The following CNTN4 variants were observed in gnomAD, a reference collection of about 807,000 sequenced individuals.
CNTN4 encodes the protein contactin 4, also known as contactin-4.
A neutral mutation model predicts 122.5 loss-of-function variants in CNTN4; 77 were observed. The observed-to-expected ratio is 0.63, with a 90% CI of 0.52 to 0.76. The LOEUF is 0.76. Ranked by LOEUF, CNTN4 falls within the 30% of genes least tolerant of loss-of-function variation. The pLI is 0.00. For missense variants in CNTN4, 1,256 were observed against 1,259.1 expected (o/e 1.00, Z 0.04); for synonymous variants, 512 against 447.0 (o/e 1.15, Z -1.83).
intron 13 of CNTN4, among the ~76,000 whole-genome samples, chr3:2,974,846 A>G (rs955292152): frequency 2.6e-5 from 4 of 152,210 alleles, no homozygotes; most frequent in African/African-American, 9.6e-5. Flanking sequence ...GTTAAAGCAA[A>G]TAAAGCATGA....
chr3:2,654,569 G>C (rs974811557), intron 4 of CNTN4, among the ~76,000 whole-genome samples: 1 of 152,150 alleles, frequency 6.6e-6, no homozygotes, highest in Non-Finnish European at 1.5e-5. Flanking sequence ...GAGTAAAAAT[G>C]GTGTTATTCT....
At chr3:2,257,645 A>G (rs566081886) in intron 2 of CNTN4, among the ~76,000 whole-genome samples, 1 of 152,380 alleles carries the variant, frequency 6.6e-6, no homozygotes, top group East Asian at 1.9e-4. Context: ...ACACTTCTCA[A>G]AAGAAGACAT....
intron 8 of CNTN4, among the ~76,000 whole-genome samples, chr3:2,879,459 G>T (rs931117446): frequency 1.3e-5 from 2 of 152,162 alleles, no homozygotes; most frequent in African/African-American, 4.8e-5. Context: ...TACAACCAGC[G>T]AATGGAGAAG....
intron 2 of CNTN4, among the ~76,000 whole-genome samples, chr3:2,171,946 C>G (rs530442584): frequency 2.0e-5 from 3 of 152,278 alleles, no homozygotes; most frequent in East Asian, 1.9e-4. Context: ...AACAGAAAGT[C>G]TCAGACTTCA....
At chr3:2,775,304 C>T (rs2091271286) in intron 6 of CNTN4, among the ~76,000 whole-genome samples, 1 of 152,120 alleles carries the variant, frequency 6.6e-6, no homozygotes, top group South Asian at 2.1e-4. Context: ...CCCGTGTTCT[C>T]CCACCATGGC....
intron 7 of CNTN4, among the ~76,000 whole-genome samples, chr3:2,854,872 C>G (rs1442892838): frequency 6.6e-6 from 1 of 152,080 alleles, no homozygotes; most frequent in Non-Finnish European, 1.5e-5. Flanking sequence ...ATTTTAGTTC[C>G]CATATTGAAT....
chr3:2,686,382 G>A (rs183204051), intron 4 of CNTN4, among the ~76,000 whole-genome samples: 5 of 152,016 alleles, frequency 3.3e-5, no homozygotes, highest in South Asian at 2.1e-4. Flanking sequence ...CAGTGACCAC[G>A]TCACCCACTC....
At chr3:2,163,712 G>T (rs996346744) in intron 2 of CNTN4, among the ~76,000 whole-genome samples, 1 of 151,540 alleles carries the variant, frequency 6.6e-6, no homozygotes, top group African/African-American at 2.4e-5. Flanking sequence ...CACAAATGGA[G>T]ATACACAAAC....
chr3:2,441,138 G>A (rs1170136855), intron 3 of CNTN4, among the ~76,000 whole-genome samples: 1 of 151,932 alleles, frequency 6.6e-6, no homozygotes, highest in Non-Finnish European at 1.5e-5. Flanking sequence ...ATGGTCATCA[G>A]TTCATTTATA....
At chr3:2,927,206 G>A in intron 13 of CNTN4, 1 of 411,642 alleles carries the variant, frequency 2.4e-6, no homozygotes, top group Admixed American at 2.6e-5. Flanking sequence ...AACACTGTAG[G>A]TCAATCAGGA....
At chr3:3,051,923 C>T (rs758816615) in intron 23 of CNTN4, among the ~76,000 whole-genome samples, 7 of 152,146 alleles carry the variant, frequency 4.6e-5, no homozygotes, top group Non-Finnish European at 7.4e-5. Context: ...TGCTTCTCAA[C>T]GCATGATCCC....
At chr3:2,296,403 A>C (rs2150035705) in intron 2 of CNTN4, among the ~76,000 whole-genome samples, 1 of 152,250 alleles carries the variant, frequency 6.6e-6, no homozygotes, top group South Asian at 2.1e-4. Flanking sequence ...ATCCCTTGTA[A>C]GTTGGATTCC....
chr3:2,150,543 C>T (rs1487871637), intron 2 of CNTN4, among the ~76,000 whole-genome samples: 2 of 152,158 alleles, frequency 1.3e-5, no homozygotes, highest in Admixed American at 1.3e-4. Context: ...TCTACAGATC[C>T]TCCCCTGGGG....
At chr3:2,609,342 G>A (rs1440571081) in intron 4 of CNTN4, among the ~76,000 whole-genome samples, 1 of 152,200 alleles carries the variant, frequency 6.6e-6, no homozygotes, top group African/African-American at 2.4e-5. Context: ...GGTATTCAAG[G>A]TGCCACCTTG....
At chr3:3,024,032 A>G (rs1326678151) in intron 14 of CNTN4, among the ~76,000 whole-genome samples, 1 of 152,208 alleles carries the variant, frequency 6.6e-6, no homozygotes, top group East Asian at 1.9e-4. Context: ...AAAGTGCTTA[A>G]CAGTGCTAAG....
chr3:3,007,084 C>T (rs1056144586), intron 14 of CNTN4, among the ~76,000 whole-genome samples: 4 of 152,186 alleles, frequency 2.6e-5, no homozygotes, highest in Non-Finnish European at 4.4e-5. Context: ...AAATTAGTCA[C>T]TCTCCTCCTA....
chr3:2,894,018 A>G (rs1468468655), intron 10 of CNTN4, among the ~76,000 whole-genome samples: 1 of 152,216 alleles, frequency 6.6e-6, no homozygotes, highest in Non-Finnish European at 1.5e-5. Flanking sequence ...AAATAACAAA[A>G]ATACAACCAG....
intron 3 of CNTN4, among the ~76,000 whole-genome samples, chr3:2,555,088 A>G (rs1368121378): frequency 1.3e-5 from 2 of 152,242 alleles, no homozygotes; most frequent in Admixed American, 6.5e-5. Context: ...TAATTTGAGT[A>G]TCTGTGATTC....
intron 3 of CNTN4, among the ~76,000 whole-genome samples, chr3:2,536,382 G>A (rs1028022096): frequency 1.3e-5 from 2 of 152,050 alleles, no homozygotes; most frequent in African/African-American, 4.8e-5. Context: ...GTGACTGGTG[G>A]TGATATTTGA....
Sources: allele counts gnomAD v4.1 joint callset (sites outside exome capture counted in the v4.1 genomes callset), GRCh38; gene constraint gnomAD v4.1.1; transcripts MANE v1.5; gene names NCBI Gene and HGNC (gene_info 2026-07-23, HGNC 2026-07-21).